KCNIP3: variants seen among roughly 807,000 people sequenced by gnomAD.
KCNIP3 encodes the protein calsenilin.
KCNIP3 carries 28 observed loss-of-function variants against 35.0 expected under a neutral mutation model. That is an observed-to-expected ratio of 0.80 (90% CI 0.59 to 1.10). The LOEUF is 1.10. KCNIP3 is among the 50% of genes least tolerant of loss of function. The probability of loss-of-function intolerance (pLI) is 0.00; values close to 1 mark genes in which losing one functional copy is unlikely to be tolerated. For synonymous variants in KCNIP3, 134 were observed against 133.8 expected, an observed-to-expected ratio of 1.00 and a Z score of -0.01; for missense variants, 295 against 338.4, an observed-to-expected ratio of 0.87 and a Z score of 1.01.
In KCNIP3 at chr2:95,374,410, G is replaced by A. The variant is rs1680119884; in HGVS notation, c.296G>A (p.Gly99Asp). ...TKKELQSLYR[G>D]FKNECPTGLV... is the part of the protein sequence containing the mutation. Reference sequence around the variant, plus strand: ...AAGGAGCTGCAGTCTCTCTACAGGGGCTTTAAGAATGTGAGTGTTCCCCAT... The same window carrying A: ...AAGGAGCTGCAGTCTCTCTACAGGGACTTTAAGAATGTGAGTGTTCCCCAT... Residue 99 changes from glycine to aspartate, a missense_variant, in exon 3 of 9, where the codon GGC (glycine) becomes GAC (aspartate). By Grantham distance (94) the Gly-to-Asp change is moderately conservative. Transcript: ENST00000295225. 1.2e-6 allele frequency: 2 copies of A among 1,613,994 alleles called. No individual in the cohort carries two copies. The highest frequency in any genetic ancestry group is 1.1e-5 in the South Asian group (1 of 91,068).
At chr2:95,364,214 GT>G (rs962140655) in intron 2 of KCNIP3, among the ~76,000 whole-genome samples, 1 of 151,920 alleles carries the variant, frequency 6.6e-6, no homozygotes, top group Non-Finnish European at 1.5e-5. Context: ...TTTGCTGAGA[GT>G]TTTTTTTGGT....
intron 2 of KCNIP3, among the ~76,000 whole-genome samples, chr2:95,317,154 CCCCTGGCCCTGAGCCTCCTAGG>C (rs1394685337): frequency 6.6e-6 from 1 of 152,186 alleles, no homozygotes; most frequent in Non-Finnish European, 1.5e-5. Context: ...CTACTCAGGG[CCCCTGGCCCTGAGCCTCCTAGG>C]CAGGGGACTG....
At chr2:95,334,517 G>A (rs112555996) in intron 2 of KCNIP3, among the ~76,000 whole-genome samples, 5 of 152,320 alleles carry the variant, frequency 3.3e-5, no homozygotes, top group African/African-American at 1.2e-4. Context: ...GGAAAGCCAC[G>A]TTCAGCCAAA....
intron 2 of KCNIP3, chr2:95,346,635 C>T (rs1462845454): frequency 6.9e-6 from 1 of 145,334 alleles, no homozygotes; most frequent in Admixed American, 6.8e-5. Flanking sequence ...CCCCGGCGCC[C>T]GCGGGGCTGG....
intron 5 of KCNIP3, 105 bp downstream of exon 5, chr2:95,375,313 G>A (rs1680157315): frequency 9.5e-7 from 1 of 1,055,050 alleles, no homozygotes; most frequent in Admixed American, 1.9e-5. Flanking sequence ...CATGGTCCTG[G>A]GTGGGAAGGA....
chr2:95,342,830 G>C (rs1393739426), intron 2 of KCNIP3, among the ~76,000 whole-genome samples: 4 of 152,226 alleles, frequency 2.6e-5, no homozygotes, highest in Admixed American at 2.6e-4. Context: ...GAGTGGAAAA[G>C]AGAAATTGAC....
intron 1 of KCNIP3, among the ~76,000 whole-genome samples, chr2:95,300,174 G>A (rs1677986773): frequency 6.6e-6 from 1 of 152,120 alleles, no homozygotes; most frequent in Non-Finnish European, 1.5e-5. Context: ...GGTCTGTTGT[G>A]CCCTCTGAGC....
intron 2 of KCNIP3, chr2:95,347,020 A>G (rs774773507): frequency 2.5e-6 from 4 of 1,604,786 alleles, no homozygotes; most frequent in Non-Finnish European, 3.4e-6. Flanking sequence ...CCGGCTTGCC[A>G]TGGGCATCCA....
At chr2:95,372,852 GT>G (rs1173444102) in intron 2 of KCNIP3, among the ~76,000 whole-genome samples, 5 of 152,246 alleles carry the variant, frequency 3.3e-5, no homozygotes, top group Non-Finnish European at 7.3e-5. Context: ...TGGGGAGCAT[GT>G]GTGGACCAAA....
intron 2 of KCNIP3, among the ~76,000 whole-genome samples, chr2:95,339,939 A>C (rs1679151666): frequency 1.3e-5 from 2 of 151,970 alleles, no homozygotes; most frequent in South Asian, 4.2e-4. Flanking sequence ...TTCTCCCCTA[A>C]CCCCTAAGAT....
chr2:95,332,931 G>A (rs1286050021), intron 2 of KCNIP3, among the ~76,000 whole-genome samples: 2 of 152,320 alleles, frequency 1.3e-5, no homozygotes, highest in East Asian at 3.9e-4. Flanking sequence ...GGGTCTTCCA[G>A]ACTTAGGGAC....
chr2:95,298,257 C>G (rs1328244899), intron 1 of KCNIP3, among the ~76,000 whole-genome samples: 2 of 152,106 alleles, frequency 1.3e-5, no homozygotes, highest in Non-Finnish European at 2.9e-5. Flanking sequence ...CAGAACGCCC[C>G]AAATAACAGT....
At chr2:95,304,656 T>C (rs1302519424) in intron 1 of KCNIP3, among the ~76,000 whole-genome samples, 1 of 152,216 alleles carries the variant, frequency 6.6e-6, no homozygotes, top group Non-Finnish European at 1.5e-5. Context: ...CATTACCGGA[T>C]TTGGGGCTCA....
In KCNIP3 at chr2:95,326,968, G is replaced by A. The variant is rs138061684; in HGVS notation, c.181+16448G>A. 5.8e-4 allele frequency among the ~76,000 whole-genome samples: 88 copies of A among 152,294 alleles called. 1 individual carries two copies. In the East Asian group the frequency reaches 0.013, roughly 22 times the overall value. ...CTCAGCAGGCCTCGGTTTACGGGTCGCCTCCTCAGAAGACTTGCTCCCTCT... is the reference window on the plus strand; with the variant it reads ...CTCAGCAGGCCTCGGTTTACGGGTCACCTCCTCAGAAGACTTGCTCCCTCT... On this transcript the variant is annotated intron_variant, in intron 2 of 8. Coordinates refer to ENST00000295225, the MANE Select transcript of KCNIP3 (RefSeq NM_013434.5).
intron 2 of KCNIP3, among the ~76,000 whole-genome samples, chr2:95,337,804 C>T (rs895214767): frequency 6.6e-6 from 1 of 152,216 alleles, no homozygotes. Flanking sequence ...TCATCTTTCA[C>T]CCAAGCTCTC....
chr2:95,340,193 C>T (rs1157156006), intron 2 of KCNIP3, among the ~76,000 whole-genome samples: 3 of 152,090 alleles, frequency 2.0e-5, no homozygotes, highest in African/African-American at 7.2e-5. Context: ...CAAAATTAGC[C>T]AGGCATGGTG....
At position 95,375,897 on chromosome 2, in the gene KCNIP3, C is replaced by T. The variant is rs772600288; in HGVS notation, c.447+689C>T. ...AAACCTTTCTGAGAGCCGGCTTGAT[C>T]GATACCCCGACAGCTTGGCTTCCAC... On this transcript the variant is annotated intron_variant, in intron 5 of 8. Transcript: ENST00000295225. Among the ~76,000 whole-genome samples the T allele has an allele frequency of 5.9e-5, 9 of 152,318 alleles. No homozygotes were observed. In the East Asian group the frequency reaches 1.2e-3, roughly 20 times the overall value.
intron 2 of KCNIP3, chr2:95,346,603 C>T (rs1679374584): frequency 6.9e-6 from 1 of 145,932 alleles, no homozygotes; most frequent in Non-Finnish European, 1.5e-5. Context: ...CGCCGCCGCG[C>T]CGCCGCCGCC....
chr2:95,339,619 AGTC>A lies in KCNIP3; in HGVS notation c.181+29100_181+29102del, dbSNP rs374505571. Reference sequence around the variant, plus strand: ...AGATTGAAAATAATAATAATAATGAAGTCAGACCAGGTGCTGTAATAGTGAGAC... The same window carrying A: ...AGATTGAAAATAATAATAATAATGAAAGACCAGGTGCTGTAATAGTGAGAC... On this transcript the variant is annotated intron_variant, in intron 2 of 8. Coordinates refer to ENST00000295225, the MANE Select transcript of KCNIP3 (RefSeq NM_013434.5). Among the ~76,000 whole-genome samples, 768 of 152,132 alleles carry A rather than the reference AGTC, an allele frequency of 5.0e-3. 8 individuals carry two copies. The highest frequency in any genetic ancestry group is 0.017 in the African/African-American group (720 of 41,506).
Sources: allele counts gnomAD v4.1 joint callset (sites outside exome capture counted in the v4.1 genomes callset), GRCh38; gene constraint gnomAD v4.1.1; transcripts MANE v1.5; gene names NCBI Gene and HGNC (gene_info 2026-07-23, HGNC 2026-07-21).